CHD8: variants seen among roughly 807,000 people sequenced by gnomAD.
CHD8 encodes chromodomain helicase DNA binding protein 8.
A neutral mutation model predicts 279.2 loss-of-function variants in CHD8; 31 were observed. That is an observed-to-expected ratio of 0.11 (90% CI 0.08 to 0.15). CHD8 has a LOEUF of 0.15. Among genes scored for constraint, CHD8 ranks in the 10% least tolerant of loss-of-function variants. CHD8 has a pLI of 1.00. For missense variants in CHD8, 2,146 were observed against 3,230.5 expected, an observed-to-expected ratio of 0.66 and a Z score of 8.14; for synonymous variants, 1,081 against 1,139.6, an observed-to-expected ratio of 0.95 and a Z score of 1.04.
At chr14:21,393,079 A>T in intron 33 of CHD8, 27 bp downstream of exon 33, 1 of 1,607,644 alleles carries the variant, frequency 6.2e-7, no homozygotes. Flanking sequence ...TGGACTCTAC[A>T]TGTCCAGGGA....
chr14:21,426,325 C>T (rs948845705), intron 4 of CHD8, 83 bp from the exon 5 acceptor site: 2 of 689,534 alleles, frequency 2.9e-6, no homozygotes, highest in African/African-American at 1.8e-5. Flanking sequence ...TAAACCATCA[C>T]ATACAAAACT....
chr14:21,412,655 T>C (rs1226961591), intron 10 of CHD8, among the ~76,000 whole-genome samples: 2 of 152,136 alleles, frequency 1.3e-5, no homozygotes. Flanking sequence ...ATTTAAAATA[T>C]GAGGAAAAAT....
Position 21,431,105 on chromosome 14 carries a change from G to T in CHD8, c.539C>A (p.Ala180Asp). 1.3e-6 allele frequency: 2 copies of T among 1,599,072 alleles called. No homozygotes were observed. Among genetic ancestry groups the T allele is most frequent in the East Asian group, 2.2e-5 (1 of 44,874 alleles). Residue 180 changes from alanine to aspartate, a missense_variant, in exon 2 of 38, where the codon GCC becomes GAC. Physicochemically the swap from Ala to Asp is moderately radical, Grantham distance 126. Transcript: ENST00000646647. ...CTGAGCTGTGCTGGTGATACCTTGG[G>T]CCTGAATTTGTGCCACATGGGCACC... ...VTGAHVAQIQ[A>D]QGITSTAQPL...
chr14:21,388,442 T>G (rs1286908056), intron 37 of CHD8, among the ~76,000 whole-genome samples: 1 of 152,238 alleles, frequency 6.6e-6, no homozygotes, highest in African/African-American at 2.4e-5. Flanking sequence ...GATTAAAGTG[T>G]ATCAGAGGAA....
At chr14:21,450,515 T>A (rs1890231851) in intron 1 of CHD8, among the ~76,000 whole-genome samples, 1 of 151,968 alleles carries the variant, frequency 6.6e-6, no homozygotes, top group South Asian at 2.1e-4. Flanking sequence ...CTGAGCACTG[T>A]GATATGGGCC....
intron 10 of CHD8, among the ~76,000 whole-genome samples, chr14:21,411,232 C>A (rs1888479555): frequency 1.3e-5 from 2 of 152,086 alleles, no homozygotes; most frequent in Non-Finnish European, 2.9e-5. Context: ...AACAACCTGC[C>A]CTAAAACCCG....
At position 21,393,454 on chromosome 14, in the gene CHD8, A is replaced by C; in HGVS notation, c.6319+22T>G. 2.6e-6 allele frequency: 4 copies of C among 1,535,084 alleles called. No homozygotes were observed. In the South Asian group the frequency reaches 3.7e-5, roughly 14 times the overall value. On this transcript the variant is annotated intron_variant, in intron 32 of 37. Coordinates refer to ENST00000646647, the MANE Select transcript of CHD8 (RefSeq NM_001170629.2). ...GAGGGGGAAATAGGGAAGGGGGCCA[A>C]CAGCCTGTCACATGCACTCACTTAG...
At chr14:21,387,365 C>T (rs1406811477) in intron 37 of CHD8, among the ~76,000 whole-genome samples, 1 of 152,120 alleles carries the variant, frequency 6.6e-6, no homozygotes, top group Non-Finnish European at 1.5e-5. Flanking sequence ...GGCGTGGTGG[C>T]TCACGCCTGT....
At chr14:21,428,942 C>T in intron 3 of CHD8, 22 bp downstream of exon 3, 2 of 1,611,894 alleles carry the variant, frequency 1.2e-6, no homozygotes, top group Non-Finnish European at 1.7e-6. Context: ...TCTTTCTTTT[C>T]CTTACTATGT....
chr14:21,407,861 G>C (rs755033522), intron 13 of CHD8, among the ~76,000 whole-genome samples: 1 of 151,976 alleles, frequency 6.6e-6, no homozygotes, highest in South Asian at 2.1e-4. Flanking sequence ...AGCCCACCTC[G>C]GCCTCCCAAA....
intron 1 of CHD8, among the ~76,000 whole-genome samples, chr14:21,447,720 T>C (rs78338796): frequency 0.015 from 2,234 of 152,142 alleles, 49 homozygotes; most frequent in African/African-American, 0.052. Flanking sequence ...GGATTCTTTT[T>C]TTTTTTCTAA....
At position 21,393,658 on chromosome 14, in the gene CHD8, G is replaced by T. The variant is rs368169968; in HGVS notation, c.6137C>A (p.Ser2046Tyr). ...PTPQDYEMRV[S>Y]PSDTTPLVSR... ...AACCAGAGGGGTAGTATCAGAGGGG[G>T]ATACTCGCATCTCATAGTCTTGTGG... is the stretch of plus-strand genomic sequence containing the variant. The change falls in exon 32 of 38, where the codon TCC (serine) becomes TAC (tyrosine). Residue 2046 changes from serine to tyrosine, a missense_variant. By Grantham distance (144) the Ser-to-Tyr change is moderately radical. Transcript: ENST00000646647. The T allele has an allele frequency of 9.3e-6, 15 of 1,613,874 alleles. No homozygotes were observed. Among genetic ancestry groups the T allele is most frequent in the African/African-American group, 4.0e-5 (3 of 74,922 alleles).
At chr14:21,445,549 C>T (rs1237434056) in intron 1 of CHD8, among the ~76,000 whole-genome samples, 2 of 151,468 alleles carry the variant, frequency 1.3e-5, no homozygotes. Flanking sequence ...TTTAGCCAGG[C>T]GTGGTGGTGT....
In CHD8 at chr14:21,393,847, G is replaced by T; in HGVS notation, c.5948C>A (p.Pro1983Gln). Residue 1983 changes from proline (P) to glutamine (Q), a missense_variant, in exon 32 of 38, where the codon CCA (proline) becomes CAA (glutamine). This residue lies in a region of CHD8 where 513 missense variants were observed against 637.6 expected (regional missense o/e 0.80). Transcript: ENST00000646647. ...TGAGGTATACTGCTGGTGCAGCAGTGGAGTAGAGCAGCGTGACAAGGATGG... is the reference window on the plus strand; with the variant it reads ...TGAGGTATACTGCTGGTGCAGCAGTTGAGTAGAGCAGCGTGACAAGGATGG... ...PAPSLSRCSTPLLHQQYTSRT... is the reference protein window; with the variant it reads ...PAPSLSRCSTQLLHQQYTSRT... The T allele has an allele frequency of 6.2e-7, 1 of 1,614,014 alleles. No individual in the cohort carries two copies. The highest frequency in any genetic ancestry group is 8.5e-7 in the Non-Finnish European group (1 of 1,179,896).
In CHD8 at chr14:21,403,759, T is replaced by C. The variant is rs957194789; in HGVS notation, c.3308-96A>G. On this transcript the variant is annotated intron_variant, in intron 16 of 37. Coordinates refer to ENST00000646647, the MANE Select transcript of CHD8 (RefSeq NM_001170629.2). This position sits in a 1 kb window ranked among gnomAD's most constrained non-coding sequence, Gnocchi z 4.3. Reference sequence around the variant, plus strand: ...GAAAGCAAAAGGAAAAAAATGTAATTTGACTTAAGACCAACATTTCTCACA... The same window carrying C: ...GAAAGCAAAAGGAAAAAAATGTAATCTGACTTAAGACCAACATTTCTCACA... 1 of 1,062,198 alleles carries C rather than the reference T, an allele frequency of 9.4e-7. No homozygotes were observed. The highest frequency in any genetic ancestry group is 2.6e-5 in the East Asian group (1 of 38,514). 65.8% of individuals were successfully genotyped at this position (1,062,198 alleles called of 1,614,324 possible).
intron 1 of CHD8, among the ~76,000 whole-genome samples, chr14:21,451,023 T>C: frequency 6.6e-6 from 1 of 152,180 alleles, no homozygotes; most frequent in East Asian, 1.9e-4. Context: ...ATACAATAAA[T>C]ATCTATGAAA....
intron 27 of CHD8, 147 bp downstream of exon 27, chr14:21,397,676 T>C (rs1279125917): frequency 4.2e-6 from 3 of 711,350 alleles, no homozygotes; most frequent in African/African-American, 3.6e-5. Context: ...ATGCAGTTTA[T>C]GGAGTCCTTT....
intron 11 of CHD8, among the ~76,000 whole-genome samples, chr14:21,409,248 A>G (rs1417751175): frequency 6.6e-6 from 1 of 152,250 alleles, no homozygotes; most frequent in African/African-American, 2.4e-5. Context: ...CATGTGAAAC[A>G]TAAGGGACAG....
chr14:21,389,547 C>T (rs760707996), intron 37 of CHD8, among the ~76,000 whole-genome samples: 8 of 151,808 alleles, frequency 5.3e-5, no homozygotes, highest in Non-Finnish European at 1.0e-4. Context: ...GGATGCAGAG[C>T]TTGCCGTGAG....
Sources: allele counts gnomAD v4.1 joint callset (sites outside exome capture counted in the v4.1 genomes callset), GRCh38; gene constraint gnomAD v4.1.1; regional missense constraint gnomAD v4.1.1; non-coding constraint Gnocchi (gnomAD v3.1); transcripts MANE v1.5; gene names NCBI Gene and HGNC (gene_info 2026-07-23, HGNC 2026-07-21).